The following ASPA variants were observed in gnomAD, a reference collection of about 807,000 sequenced individuals.
The protein encoded by ASPA is ACY-2.
A neutral mutation model predicts 29.6 loss-of-function variants in ASPA; 25 were observed. The ratio of observed to expected loss-of-function variants is 0.85; its 90% CI spans 0.62 to 1.18. The LOEUF (loss-of-function observed/expected upper bound fraction) is 1.18, where lower values mean the gene tolerates loss of function less well. ASPA is among the 50% of genes most tolerant of loss of function. ASPA has a pLI of 0.00. For missense variants in ASPA, 333 were observed against 385.7 expected, an observed-to-expected ratio of 0.86 and a Z score of 1.14; for synonymous variants, 131 against 130.3, an observed-to-expected ratio of 1.01 and a Z score of -0.04.
chr17:3,481,993 A>G (rs1339102104), intron 2 of ASPA, among the ~76,000 whole-genome samples, 195 bp downstream of exon 2: 1 of 152,128 alleles, frequency 6.6e-6, no homozygotes, highest in African/African-American at 2.4e-5. Context: ...AAGGAGAAAA[A>G]GAGAGGAAAT....
rs1038725479 is a variant in ASPA at position 3,499,873 on chromosome 17, A to C, written c.*785A>C. On this transcript the variant is annotated 3_prime_UTR_variant, in exon 6 of 6. Coordinates refer to ENST00000263080, the MANE Select transcript of ASPA (RefSeq NM_000049.4). ...AGAAATTAAGCTTAGTAAGGAAGGCATGTCAAAAGCTGAGACAGGCTGAAA... is the reference window on the plus strand; with the variant it reads ...AGAAATTAAGCTTAGTAAGGAAGGCCTGTCAAAAGCTGAGACAGGCTGAAA... 2.6e-5 allele frequency: 4 copies of C among 152,256 alleles called. No homozygotes were observed. The highest frequency in any genetic ancestry group is 9.6e-5 in the African/African-American group (4 of 41,466). 9.4% of individuals were successfully genotyped at this position (152,256 alleles called of 1,614,324 possible). A position where few individuals can be genotyped will look rare whatever the true frequency, so the allele number is the denominator to read the frequency against.
chr17:3,491,877 CTTTTTTTTT>C (rs540965896), intron 4 of ASPA, among the ~76,000 whole-genome samples: 2 of 123,062 alleles, frequency 1.6e-5, no homozygotes, highest in African/African-American at 3.1e-5. Context: ...CTTTTGTTTT[CTTTTTTTTT>C]TTTTTTTTTG....
chr17:3,493,827 T>C (rs928672739), intron 4 of ASPA, among the ~76,000 whole-genome samples: 2 of 152,112 alleles, frequency 1.3e-5, no homozygotes, highest in African/African-American at 4.8e-5. Context: ...TCAAACTGGC[T>C]TTTTCAGTTC....
At chr17:3,484,015 T>C (rs1176606101) in intron 3 of ASPA, among the ~76,000 whole-genome samples, 1 of 152,222 alleles carries the variant, frequency 6.6e-6, no homozygotes, top group Non-Finnish European at 1.5e-5. Context: ...GGCTTATAAT[T>C]GTCAAGTAAC....
At chr17:3,495,057 T>C (rs1327007172) in intron 5 of ASPA, among the ~76,000 whole-genome samples, 1 of 151,966 alleles carries the variant, frequency 6.6e-6, no homozygotes, top group Non-Finnish European at 1.5e-5. Context: ...ATCTACTCCT[T>C]GCCTAGTTTT....
At chr17:3,493,455 G>T (rs1164166031) in intron 4 of ASPA, among the ~76,000 whole-genome samples, 1 of 151,354 alleles carries the variant, frequency 6.6e-6, no homozygotes, top group Non-Finnish European at 1.5e-5. Context: ...CAGCTACTCA[G>T]GAGGCTGAGG....
At chr17:3,492,007 G>T (rs1292666796) in intron 4 of ASPA, among the ~76,000 whole-genome samples, 1 of 150,348 alleles carries the variant, frequency 6.7e-6, no homozygotes, top group Non-Finnish European at 1.5e-5. Context: ...CTCCTGAGTT[G>T]CTGGGACTAC....
chr17:3,482,682 A>G (rs2073651086), intron 2 of ASPA, among the ~76,000 whole-genome samples: 1 of 152,198 alleles, frequency 6.6e-6, no homozygotes, highest in Non-Finnish European at 1.5e-5. Context: ...TACCTGGCCT[A>G]TAGTAAAGAT....
At chr17:3,497,026 A>T (rs2073920826) in intron 5 of ASPA, among the ~76,000 whole-genome samples, 1 of 152,230 alleles carries the variant, frequency 6.6e-6, no homozygotes, top group African/African-American at 2.4e-5. Flanking sequence ...AGATTGTGCC[A>T]CTGCACTCCA....
Position 3,488,664 on chromosome 17 carries a change from T to A in ASPA, c.527-571T>A, listed in dbSNP as rs2073769603. On this transcript the variant is annotated intron_variant, in intron 3 of 5. Coordinates refer to ENST00000263080, the MANE Select transcript of ASPA (RefSeq NM_000049.4). This position sits in a 1 kb window ranked among gnomAD's most constrained non-coding sequence, Gnocchi z 6.1. ...AGAGTGAGACTCTGTCTCGAAAAAA[T>A]AAATAAATAAATAAAACCATTGCAC... Among the ~76,000 whole-genome samples the A allele has an allele frequency of 1.3e-5, 2 of 151,790 alleles. No individual in the cohort carries two copies. Among genetic ancestry groups the A allele is most frequent in the African/African-American group, 4.8e-5 (2 of 41,296 alleles).
intron 4 of ASPA, among the ~76,000 whole-genome samples, chr17:3,492,367 A>G (rs1445599899): frequency 6.6e-6 from 1 of 152,182 alleles, no homozygotes; most frequent in African/African-American, 2.4e-5. Context: ...TTTGTGTTCT[A>G]TCAGTTTTTA....
In ASPA at chr17:3,490,616, T is replaced by G. The variant is rs2073808794; in HGVS notation, c.634+1274T>G. Among the ~76,000 whole-genome samples the G allele has an allele frequency of 1.3e-5, 2 of 152,152 alleles. No homozygotes were observed. The highest frequency in any genetic ancestry group is 4.8e-5 in the African/African-American group (2 of 41,424). On this transcript the variant is annotated intron_variant, in intron 4 of 5. Transcript: ENST00000263080. This position sits in a 1 kb window ranked among gnomAD's most constrained non-coding sequence, Gnocchi z 4.6. ...CTCCAAAATCATGAAAACTGAAAAT[T>G]TGCTTTTTACCATCTTTGTCTGAGG...
chr17:3,493,694 C>A (rs2073863440), intron 4 of ASPA, among the ~76,000 whole-genome samples: 1 of 151,866 alleles, frequency 6.6e-6, no homozygotes, highest in Non-Finnish European at 1.5e-5. Flanking sequence ...TAAGCTAATC[C>A]AATACCTTCA....
rs115519971 is a variant in ASPA at position 3,493,083 on chromosome 17, T to C, written c.635-1267T>C. ...CCATAACACGCTGTGGGCCCTACAT[T>C]GGACCAAACGTTCATCCTGTTTGCT... On this transcript the variant is annotated intron_variant, in intron 4 of 5. Coordinates refer to ENST00000263080, the MANE Select transcript of ASPA (RefSeq NM_000049.4). Among the ~76,000 whole-genome samples, 305 of 152,318 alleles carry C rather than the reference T, an allele frequency of 2.0e-3. 3 individuals are homozygous for C. Among genetic ancestry groups the C allele is most frequent in the African/African-American group, 6.2e-3 (258 of 41,576 alleles).
chr17:3,477,925 G>A (rs2073555961), intron 1 of ASPA, among the ~76,000 whole-genome samples: 1 of 151,750 alleles, frequency 6.6e-6, no homozygotes, highest in Non-Finnish European at 1.5e-5. Flanking sequence ...GCTCACACCT[G>A]TAATCCCAAC....
chr17:3,492,585 T>C (rs1381768237), intron 4 of ASPA, among the ~76,000 whole-genome samples: 2 of 152,208 alleles, frequency 1.3e-5, no homozygotes, highest in East Asian at 1.9e-4. Context: ...TTTTGTGCCA[T>C]AGAAGAGGCT....
At chr17:3,493,113 G>A (rs1220289488) in intron 4 of ASPA, among the ~76,000 whole-genome samples, 1 of 152,188 alleles carries the variant, frequency 6.6e-6, no homozygotes, top group East Asian at 1.9e-4. Flanking sequence ...TTTGCTCAGA[G>A]ATAGCCTGGT....
intron 1 of ASPA, among the ~76,000 whole-genome samples, chr17:3,480,519 G>A (rs2073609611): frequency 6.6e-6 from 1 of 152,216 alleles, no homozygotes; most frequent in Admixed American, 6.5e-5. Context: ...TCTGGGTGGT[G>A]CCAGCTGATC....
chr17:3,493,337 C>A (rs1436242428), intron 4 of ASPA, among the ~76,000 whole-genome samples: 1 of 151,888 alleles, frequency 6.6e-6, no homozygotes, highest in Non-Finnish European at 1.5e-5. Context: ...CTGAGGCGGG[C>A]GGATCACAAG....
Sources: gnomAD v4.1 joint callset for allele counts (sites outside exome capture counted in the v4.1 genomes callset) on GRCh38, gnomAD v4.1.1 for gene constraint, Gnocchi (gnomAD v3.1) non-coding constraint, MANE v1.5 for transcripts, NCBI Gene and HGNC (gene_info 2026-07-23, HGNC 2026-07-21) for gene names.